The following TRAF3IP2 variants were observed in gnomAD, a reference collection of about 807,000 sequenced individuals.
The protein encoded by TRAF3IP2 is E3 ubiquitin ligase TRAF3IP2.
Under a neutral mutation model 57.9 loss-of-function variants are expected in TRAF3IP2, and 35 were observed. That is an observed-to-expected ratio of 0.60 (90% CI 0.46 to 0.80). The LOEUF (loss-of-function observed/expected upper bound fraction) is 0.80, where lower values mean the gene tolerates loss of function less well. TRAF3IP2 is among the 30% of genes least tolerant of loss of function. The pLI, the probability that TRAF3IP2 is intolerant of heterozygous loss-of-function variation, is 0.00. For synonymous variants in TRAF3IP2, 251 were observed against 268.9 expected (o/e 0.93, Z 0.65); for missense variants, 556 against 706.4 (o/e 0.79, Z 2.41).
At chr6:111,569,018 G>A (rs113864437) in intron 5 of TRAF3IP2, among the ~76,000 whole-genome samples, 5 of 152,260 alleles carry the variant, frequency 3.3e-5, no homozygotes, top group South Asian at 4.2e-4. Context: ...AGCCTCCTAC[G>A]GAAAGAGACC....
intron 3 of TRAF3IP2, among the ~76,000 whole-genome samples, chr6:111,578,896 T>C (rs1162340503): frequency 1.3e-5 from 2 of 152,244 alleles, no homozygotes; most frequent in African/African-American, 4.8e-5. Context: ...AAAGTTGCTT[T>C]TGAGCAAAAG....
intron 3 of TRAF3IP2, chr6:111,577,097 T>C (rs1044663352): frequency 8.0e-5 from 12 of 150,632 alleles, no homozygotes; most frequent in Non-Finnish European, 1.6e-4. Flanking sequence ...ATAATTTCTA[T>C]AAAATATGCT....
At chr6:111,581,246 A>G (rs1796155066) in intron 2 of TRAF3IP2, among the ~76,000 whole-genome samples, 1 of 152,232 alleles carries the variant, frequency 6.6e-6, no homozygotes, top group Non-Finnish European at 1.5e-5. Flanking sequence ...GTGAGAGGGA[A>G]GGGCTCTGAG....
At position 111,592,069 on chromosome 6, in the gene TRAF3IP2, A is replaced by G. The variant is rs1393614097; in HGVS notation, c.18T>C (p.Pro6=). MNRSI[P]VEVDESEPYP... ...ATGGTTCTGATTCATCAACCTCCACAGGAATGCTTCGGTTCATTCTAGTTT... is the reference window on the plus strand; with the variant it reads ...ATGGTTCTGATTCATCAACCTCCACGGGAATGCTTCGGTTCATTCTAGTTT... The change falls in exon 2 of 9, where the codon CCT becomes CCC. Residue 6 remains proline, a synonymous_variant. Transcript: ENST00000368761. 1 of 1,613,768 alleles carries G rather than the reference A, an allele frequency of 6.2e-7. No individual in the cohort carries two copies. The highest frequency in any genetic ancestry group is 8.5e-7 in the Non-Finnish European group (1 of 1,179,780).
chr6:111,589,950 C>T (rs1484163662), intron 2 of TRAF3IP2, among the ~76,000 whole-genome samples: 2 of 152,198 alleles, frequency 1.3e-5, no homozygotes, highest in Admixed American at 6.5e-5. Flanking sequence ...GCACTTCTTA[C>T]ACTCTGAACT....
intron 1 of TRAF3IP2, among the ~76,000 whole-genome samples, chr6:111,603,047 C>T (rs1796918861): frequency 6.6e-6 from 1 of 151,944 alleles, no homozygotes; most frequent in African/African-American, 2.4e-5. Flanking sequence ...GTCTACAACT[C>T]CTGGTATCCG....
rs1434396102 is a variant in TRAF3IP2, at chr6:111,597,877, CT to C, written c.-8-5784del. 14 of 455,866 alleles carry C rather than the reference CT, an allele frequency of 3.1e-5. No homozygotes were observed. In the East Asian group the frequency reaches 9.7e-4, roughly 32 times the overall value. 28.2% of individuals were successfully genotyped at this position (455,866 alleles called of 1,614,324 possible). A position where few individuals can be genotyped will look rare whatever the true frequency, so the allele number is the denominator to read the frequency against. ...TACGTGCTTGTAACTCTGGCATGACCTTTGCTCCAGTCTCTACCAGAGGGCG... is the reference window on the plus strand; with the variant it reads ...TACGTGCTTGTAACTCTGGCATGACCTTGCTCCAGTCTCTACCAGAGGGCG... On this transcript the variant is annotated intron_variant, in intron 1 of 8. Coordinates refer to ENST00000368761, the MANE Select transcript of TRAF3IP2 (RefSeq NM_147686.4).
At position 111,575,713 on chromosome 6, in the gene TRAF3IP2, AG is replaced by A; in HGVS notation, c.1130del (p.Ala377ValfsTer15). On this transcript the variant is annotated frameshift_variant, in exon 4 of 9. Coordinates refer to ENST00000368761, the MANE Select transcript of TRAF3IP2 (RefSeq NM_147686.4). LOFTEE classifies it high-confidence loss of function. ...PQVPQPPSPA[A>X]VPRPPSNPPA... ...GAGGGTTGCTAGGGGGTCTAGGCAC[AG>A]CAGCTGGGGACGGAGGCTGGGGAAC... 6.2e-7 allele frequency: 1 copy of A among 1,613,038 alleles called. No homozygotes were observed. The highest frequency in any genetic ancestry group is 8.5e-7 in the Non-Finnish European group (1 of 1,179,694).
chr6:111,580,234 G>A lies in TRAF3IP2; in HGVS notation c.985C>T (p.Gln329Ter). ...AGCCCCGGAAAGGAGCAGTCTCTCTGTGCGGGCCTCTCTTCGTGGTCCCAG... is the reference window on the plus strand; with the variant it reads ...AGCCCCGGAAAGGAGCAGTCTCTCTATGCGGGCCTCTCTTCGTGGTCCCAG... ...SPWDHEERPA[Q>*]RDCSFPGLPR... The change falls in exon 3 of 9, where the codon CAG (glutamine) becomes TAG (stop). Residue 329 changes from glutamine (Q) to a stop codon, truncating the protein, a stop_gained. Coordinates refer to ENST00000368761, the MANE Select transcript of TRAF3IP2 (RefSeq NM_147686.4). LOFTEE classifies it high-confidence loss of function. 6.2e-7 allele frequency: 1 copy of A among 1,613,868 alleles called. No homozygotes were observed. The highest frequency in any genetic ancestry group is 8.5e-7 in the Non-Finnish European group (1 of 1,179,736).
intron 2 of TRAF3IP2, among the ~76,000 whole-genome samples, chr6:111,584,606 G>C (rs1257750390): frequency 1.3e-5 from 2 of 149,410 alleles, no homozygotes; most frequent in Non-Finnish European, 3.0e-5. Context: ...AGACCAGCCT[G>C]AGCAACAAGG....
In TRAF3IP2 at chr6:111,562,959, G is replaced by C; in HGVS notation, c.1551+6C>G. 1 of 1,606,068 alleles carries C rather than the reference G, an allele frequency of 6.2e-7. No homozygotes were observed. Among genetic ancestry groups the C allele is most frequent in the Non-Finnish European group, 8.5e-7 (1 of 1,175,742 alleles). Reference sequence around the variant, plus strand: ...TTATGAGGATTTTGTTTCTTTGTTTGTTTACCTTCTTAGCATTTGGGAAGA... The same window carrying C: ...TTATGAGGATTTTGTTTCTTTGTTTCTTTACCTTCTTAGCATTTGGGAAGA... On this transcript the variant is annotated splice_donor_region_variant and intron_variant, in intron 8 of 8. Coordinates refer to ENST00000368761, the MANE Select transcript of TRAF3IP2 (RefSeq NM_147686.4).
intron 6 of TRAF3IP2, chr6:111,567,300 A>G (rs530765124): frequency 1.9e-5 from 20 of 1,064,470 alleles, no homozygotes; most frequent in Non-Finnish European, 2.3e-5. Context: ...GGGTGGCCTC[A>G]GATTAAATTG....
intron 1 of TRAF3IP2, chr6:111,594,561 G>A: frequency 4.5e-6 from 2 of 443,926 alleles, no homozygotes; most frequent in Non-Finnish European, 9.0e-6. Flanking sequence ...AGTGATGAGG[G>A]CAGTCATCTC....
At position 111,591,222 on chromosome 6, in the gene TRAF3IP2, A is replaced by T; in HGVS notation, c.829+36T>A. ...GAGGCCCTTGTTTCTTCAGTCACCC[A>T]GCCCAGAATGCCCAGAGGAGGTAAA... On this transcript the variant is annotated intron_variant, in intron 2 of 8. Transcript: ENST00000368761. This position sits in a 1 kb window ranked among gnomAD's most constrained non-coding sequence, Gnocchi z 4.9. The T allele has an allele frequency of 9.7e-6, 14 of 1,440,524 alleles. No homozygotes were observed. Among genetic ancestry groups the T allele is most frequent in the Non-Finnish European group, 1.3e-5 (14 of 1,088,148 alleles). 89.2% of individuals were successfully genotyped at this position (1,440,524 alleles called of 1,614,324 possible).
chr6:111,564,554 T>A (rs1433646946), intron 7 of TRAF3IP2, among the ~76,000 whole-genome samples: 1 of 152,238 alleles, frequency 6.6e-6, no homozygotes, highest in Non-Finnish European at 1.5e-5. Context: ...ACCTCTGCAC[T>A]ACCTCTGTCA....
At chr6:111,580,106 A>G (rs2128377729) in intron 3 of TRAF3IP2, 91 bp downstream of exon 3, 1 of 1,478,242 alleles carries the variant, frequency 6.8e-7, no homozygotes, top group Non-Finnish European at 9.2e-7. Context: ...TGGGTTAGCA[A>G]ACCTATAGAG....
intron 1 of TRAF3IP2, among the ~76,000 whole-genome samples, chr6:111,592,955 G>A (rs1209430853): frequency 6.6e-6 from 1 of 152,172 alleles, no homozygotes; most frequent in Non-Finnish European, 1.5e-5. Context: ...ACCTTAGCCT[G>A]CAGAGCATTT....
intron 1 of TRAF3IP2, among the ~76,000 whole-genome samples, chr6:111,592,810 G>A (rs745973880): frequency 4.4e-4 from 67 of 152,106 alleles, no homozygotes; most frequent in South Asian, 1.2e-3. Context: ...TTGAAAAAAG[G>A]TCAGAGTGAC....
rs1741957429 is a variant in TRAF3IP2 at position 111,557,178 on chromosome 6, C to A, written c.*2227G>T. 6.6e-6 allele frequency: 1 copy of A among 151,758 alleles called. No individual in the cohort carries two copies. The highest frequency in any genetic ancestry group is 1.5e-5 in the Non-Finnish European group (1 of 67,974). The allele number at this position is 151,758 out of a possible 1,614,324, so 9.4% of individuals were successfully genotyped here. A position where few individuals can be genotyped will look rare whatever the true frequency, so the allele number is the denominator to read the frequency against. On this transcript the variant is annotated 3_prime_UTR_variant, in exon 9 of 9. Coordinates refer to ENST00000368761, the MANE Select transcript of TRAF3IP2 (RefSeq NM_147686.4). ...TGGACTGTCTTGTAGCACAAGTGAG[C>A]CTTGTTTAAGAGGCTAGTAGATAAA...
Sources: gnomAD v4.1 joint callset for allele counts (sites outside exome capture counted in the v4.1 genomes callset) on GRCh38, gnomAD v4.1.1 for gene constraint, Gnocchi (gnomAD v3.1) non-coding constraint, MANE v1.5 for transcripts, NCBI Gene and HGNC (gene_info 2026-07-23, HGNC 2026-07-21) for gene names.